The following MYLK variants were observed in gnomAD, a reference collection of about 807,000 sequenced individuals.
The protein encoded by MYLK is myosin light chain kinase, also known as myosin light chain kinase, smooth muscle.
In MYLK, 106 loss-of-function variants were observed where a neutral mutation model predicts 203.4. That is an observed-to-expected ratio of 0.52 (90% CI 0.45 to 0.61). The LOEUF (loss-of-function observed/expected upper bound fraction) is 0.61, where lower values mean the gene tolerates loss of function less well. Ranked by LOEUF, MYLK falls within the 20% of genes least tolerant of loss-of-function variation. The pLI, the probability that MYLK is intolerant of heterozygous loss-of-function variation, is 0.00. For synonymous variants in MYLK, 867 were observed against 959.5 expected (o/e 0.90, Z 1.78); for missense variants, 2,072 against 2,442.3 (o/e 0.85, Z 3.20).
intron 3 of MYLK, chr3:123,800,177 C>T (rs777942960): frequency 2.0e-5 from 3 of 152,136 alleles, no homozygotes; most frequent in Non-Finnish European, 2.9e-5. Context: ...GGTGGAAGCT[C>T]ACAGGTTTTT....
intron 2 of MYLK, among the ~76,000 whole-genome samples, chr3:123,865,937 C>A (rs1191054869): frequency 5.9e-5 from 9 of 152,172 alleles, no homozygotes; most frequent in Non-Finnish European, 1.5e-5. Flanking sequence ...AGCCACCATG[C>A]TGTGAGGAAG....
At position 123,613,889 on chromosome 3, in the gene MYLK, A is replaced by G; in HGVS notation, c.*216T>C. 5.1e-6 allele frequency: 3 copies of G among 583,540 alleles called. No individual in the cohort carries two copies. The highest frequency in any genetic ancestry group is 9.1e-6 in the Non-Finnish European group (3 of 328,802). The allele number at this position is 583,540 out of a possible 1,614,324, so 36.1% of individuals were successfully genotyped here. A position where few individuals can be genotyped will look rare whatever the true frequency, so the allele number is the denominator to read the frequency against. The stretch of plus-strand genomic sequence containing the variant: ...ATTTCCCTAAATGAAATCTAGCTGC[A>G]CTAGTATCTTAAGGTGCCAACTAAC... On this transcript the variant is annotated 3_prime_UTR_variant, in exon 34 of 34. Transcript: ENST00000360304.
intron 29 of MYLK, among the ~76,000 whole-genome samples, chr3:123,637,788 C>T (rs1032564822): frequency 6.6e-6 from 1 of 152,008 alleles, no homozygotes; most frequent in Non-Finnish European, 1.5e-5. Context: ...GACCAAAGGC[C>T]CCAGGCTGGC....
intron 1 of MYLK, among the ~76,000 whole-genome samples, chr3:123,880,323 T>A (rs962394641): frequency 6.6e-6 from 1 of 152,008 alleles, no homozygotes; most frequent in Non-Finnish European, 1.5e-5. Flanking sequence ...GAAATCCTCA[T>A]CTCTGAAAAC....
chr3:123,734,036 G>A lies in MYLK; in HGVS notation c.960C>T (p.Ser320=). 6 of 1,614,162 alleles carry A rather than the reference G, an allele frequency of 3.7e-6. No homozygotes were observed. Among genetic ancestry groups the A allele is most frequent in the Non-Finnish European group, 5.1e-6 (6 of 1,180,030 alleles). The part of the protein sequence containing the change: ...ANSQPQPPRE[S]KLESCKDSPR... ...GCGAGTCCTTGCATGACTCCAGCTTGGACTCCCTTGGGGGCTGAGGCTGGC... is the reference window on the plus strand; with the variant it reads ...GCGAGTCCTTGCATGACTCCAGCTTAGACTCCCTTGGGGGCTGAGGCTGGC... The change falls in exon 10 of 34, where the codon TCC becomes TCT. Residue 320 remains serine, a synonymous_variant. Transcript: ENST00000360304.
At chr3:123,800,479 T>C (rs1577016646) in intron 3 of MYLK, among the ~76,000 whole-genome samples, 2 of 152,268 alleles carry the variant, frequency 1.3e-5, no homozygotes, top group East Asian at 3.9e-4. Flanking sequence ...ACTCCTGTGC[T>C]GTGTTTCTCA....
intron 3 of MYLK, among the ~76,000 whole-genome samples, chr3:123,826,646 G>A (rs2066131550): frequency 6.6e-6 from 1 of 152,114 alleles, no homozygotes; most frequent in East Asian, 1.9e-4. Context: ...AACAGCCCTG[G>A]GCTCCCAAAC....
At chr3:123,737,314 C>T in intron 8 of MYLK, 64 bp downstream of exon 8, 1 of 1,609,144 alleles carries the variant, frequency 6.2e-7, no homozygotes, top group Non-Finnish European at 8.5e-7. Context: ...GAACAAGCAG[C>T]TCCTCTAGGA....
intron 33 of MYLK, chr3:123,616,510 G>A (rs2107836060): frequency 6.6e-6 from 1 of 152,114 alleles, no homozygotes; most frequent in Non-Finnish European, 1.5e-5. Flanking sequence ...TATTCCACCT[G>A]ACTTTCTCTT....
chr3:123,613,382 C>T lies in MYLK; in HGVS notation c.*723G>A, dbSNP rs544980160. ...GTTCTTAACCAAATGTCTGAAGCTG[C>T]TAGACATCTGCAAAGAGGGGATAAG... On this transcript the variant is annotated 3_prime_UTR_variant, in exon 34 of 34. Coordinates refer to ENST00000360304, the MANE Select transcript of MYLK (RefSeq NM_053025.4). 39 of 152,226 alleles carry T rather than the reference C, an allele frequency of 2.6e-4. 1 individual carries two copies. Among genetic ancestry groups the T allele is most frequent in the African/African-American group, 8.7e-4 (36 of 41,490 alleles). The allele number at this position is 152,226 out of a possible 1,614,324, so 9.4% of individuals were successfully genotyped here.
At chr3:123,707,621 C>A (rs760757127) in intron 16 of MYLK, 133 bp downstream of exon 16, 11 of 1,366,006 alleles carry the variant, frequency 8.1e-6, no homozygotes, top group Non-Finnish European at 1.0e-5. Context: ...CAGCACTGAG[C>A]CCGCACTTGC....
chr3:123,862,500 G>T (rs1192478167), intron 2 of MYLK, among the ~76,000 whole-genome samples: 1 of 152,172 alleles, frequency 6.6e-6, no homozygotes, highest in Non-Finnish European at 1.5e-5. Flanking sequence ...GAGCTGCAAG[G>T]CCTGGATGAA....
At chr3:123,663,108 A>C (rs1354407717) in intron 23 of MYLK, among the ~76,000 whole-genome samples, 1 of 152,192 alleles carries the variant, frequency 6.6e-6, no homozygotes, top group Non-Finnish European at 1.5e-5. Flanking sequence ...CTGCCTGCTC[A>C]TTCTTCTGCT....
At position 123,707,762 on chromosome 3, in the gene MYLK, GATC is replaced by G; in HGVS notation, c.2379_2381del (p.Glu793_Ile794delinsAsp). 6.2e-7 allele frequency: 1 copy of G among 1,614,204 alleles called. No homozygotes were observed. The highest frequency in any genetic ancestry group is 2.2e-5 in the East Asian group (1 of 44,884). On this transcript the variant is annotated inframe_deletion, in exon 16 of 34. Transcript: ENST00000360304. Reference sequence around the variant, plus strand: ...TGGACATGCAGACTCACTTGAGCAGGATCTCATACTGGCCGGCATGCCAGGGCT... The same window carrying G: ...TGGACATGCAGACTCACTTGAGCAGGTCATACTGGCCGGCATGCCAGGGCT...
At chr3:123,684,401 G>A (rs562143320) in intron 19 of MYLK, among the ~76,000 whole-genome samples, 5 of 152,334 alleles carry the variant, frequency 3.3e-5, no homozygotes, top group African/African-American at 9.6e-5. Context: ...GATATCTGGG[G>A]ATGAGGGTGC....
chr3:123,865,110 G>A (rs1296039261), intron 2 of MYLK, among the ~76,000 whole-genome samples: 11 of 152,168 alleles, frequency 7.2e-5, no homozygotes, highest in Admixed American at 7.2e-4. Context: ...TCACTGGCAA[G>A]TCAATCTTCC....
intron 30 of MYLK, among the ~76,000 whole-genome samples, chr3:123,628,260 A>G (rs1185369529): frequency 6.6e-6 from 1 of 152,220 alleles, no homozygotes; most frequent in Admixed American, 6.5e-5. Context: ...AAAGCCTGAC[A>G]GAGCCATCTG....
At chr3:123,675,851 C>T (rs2060056399) in intron 20 of MYLK, among the ~76,000 whole-genome samples, 1 of 152,148 alleles carries the variant, frequency 6.6e-6, no homozygotes, top group African/African-American at 2.4e-5. Flanking sequence ...GGTGACCTGA[C>T]CCACTCCCCT....
Position 123,734,216 on chromosome 3 carries a change from AAATGACCTGTGTGGTG to A in MYLK, c.774-10_779del. The stretch of plus-strand genomic sequence containing the variant: ...AATTGGTGGCTTTTGTTTCTCTCAC[AAATGACCTGTGTGGTG>A]GTGAGGGTGGGGGTAGGGTGGGTGA... On this transcript the variant is annotated splice_acceptor_variant and splice_polypyrimidine_tract_variant and coding_sequence_variant and intron_variant, in exon 10 of 34. Transcript: ENST00000360304. LOFTEE classifies it high-confidence loss of function. 1 of 1,540,202 alleles carries A rather than the reference AAATGACCTGTGTGGTG, an allele frequency of 6.5e-7. No individual in the cohort carries two copies. The highest frequency in any genetic ancestry group is 1.3e-5 in the South Asian group (1 of 78,912).
Sources: allele counts gnomAD v4.1 joint callset (sites outside exome capture counted in the v4.1 genomes callset), GRCh38; gene constraint gnomAD v4.1.1; transcripts MANE v1.5; gene names NCBI Gene and HGNC (gene_info 2026-07-23, HGNC 2026-07-21).